NXPH2: variants seen among roughly 807,000 people sequenced by gnomAD.
NXPH2 encodes the protein neurexophilin 2, also known as neurexophilin-2.
A neutral mutation model predicts 19.8 loss-of-function variants in NXPH2; 5 were observed. The ratio of observed to expected loss-of-function variants is 0.25; its 90% confidence interval spans 0.13 to 0.53. The LOEUF (loss-of-function observed/expected upper bound fraction) is 0.53, where lower values mean the gene tolerates loss of function less well. Among genes scored for constraint, NXPH2 ranks in the 20% least tolerant of loss-of-function variants. The pLI is 0.96. For missense variants in NXPH2, 289 were observed against 322.8 expected (o/e 0.90, Z 0.80); for synonymous variants, 154 against 127.4 (o/e 1.21, Z -1.41).
intron 1 of NXPH2, among the ~76,000 whole-genome samples, chr2:138,714,629 T>TA (rs151136285): frequency 0.014 from 2,107 of 151,638 alleles, 43 homozygotes; most frequent in African/African-American, 0.048. Flanking sequence ...ACTGGTCTGA[T>TA]AAAAAAAAAT....
intron 1 of NXPH2, among the ~76,000 whole-genome samples, chr2:138,679,581 C>T (rs549355161): frequency 1.3e-5 from 2 of 152,086 alleles, no homozygotes; most frequent in Admixed American, 6.5e-5. Context: ...TGTATTTTTA[C>T]TAGAGACGAG....
At chr2:138,760,028 C>A (rs545595428) in intron 1 of NXPH2, among the ~76,000 whole-genome samples, 1 of 152,056 alleles carries the variant, frequency 6.6e-6, no homozygotes, top group African/African-American at 2.4e-5. Flanking sequence ...AGAGCCCGGC[C>A]GCCACCCTTT....
rs562589199 is a variant in NXPH2 at position 138,747,302 on chromosome 2, G to T, written c.51+32889C>A. Among the ~76,000 whole-genome samples, 20 of 152,270 alleles carry T rather than the reference G, an allele frequency of 1.3e-4. No individual in the cohort carries two copies. In the South Asian group the frequency reaches 4.1e-3, roughly 32 times the overall value. Reference sequence around the variant, plus strand: ...CTTGCTGGATGTCAGGTGTTCTGGGGCTGGTAGTTGTTGGGCGCATTGCTT... The same window carrying T: ...CTTGCTGGATGTCAGGTGTTCTGGGTCTGGTAGTTGTTGGGCGCATTGCTT... On this transcript the variant is annotated intron_variant, in intron 1 of 1. Transcript: ENST00000272641.
chr2:138,697,120 A>T (rs1414013527), intron 1 of NXPH2, among the ~76,000 whole-genome samples: 2 of 152,166 alleles, frequency 1.3e-5, no homozygotes, highest in Non-Finnish European at 1.5e-5. Context: ...AAACTCTAGA[A>T]TAGGCAAAAC....
At chr2:138,764,003 T>C (rs1447398199) in intron 1 of NXPH2, among the ~76,000 whole-genome samples, 3 of 152,202 alleles carry the variant, frequency 2.0e-5, no homozygotes, top group African/African-American at 7.2e-5. Context: ...CCACATTCTT[T>C]GTGTTCATAG....
At chr2:138,699,599 A>G (rs1230864549) in intron 1 of NXPH2, among the ~76,000 whole-genome samples, 1 of 151,984 alleles carries the variant, frequency 6.6e-6, no homozygotes, top group Non-Finnish European at 1.5e-5. Flanking sequence ...TAAAGAAGCA[A>G]GTAGGTTAAT....
intron 1 of NXPH2, among the ~76,000 whole-genome samples, chr2:138,760,031 C>A (rs934330867): frequency 1.3e-5 from 2 of 152,134 alleles, no homozygotes; most frequent in African/African-American, 4.8e-5. Flanking sequence ...GCCCGGCCGC[C>A]ACCCTTTTTC....
intron 1 of NXPH2, among the ~76,000 whole-genome samples, chr2:138,759,450 T>G (rs1031832472): frequency 6.6e-6 from 1 of 152,022 alleles, no homozygotes; most frequent in African/African-American, 2.4e-5. Context: ...CTCCCTCATG[T>G]TCACAGGATG....
intron 1 of NXPH2, among the ~76,000 whole-genome samples, chr2:138,767,457 T>C (rs888465684): frequency 6.6e-6 from 1 of 152,260 alleles, no homozygotes; most frequent in African/African-American, 2.4e-5. Context: ...AAATACCATT[T>C]TTTTTATTTT....
chr2:138,718,594 G>C (rs1412070157), intron 1 of NXPH2, among the ~76,000 whole-genome samples: 1 of 152,132 alleles, frequency 6.6e-6, no homozygotes, highest in Non-Finnish European at 1.5e-5. Flanking sequence ...GAGTCAGAAA[G>C]GTAGCAGCTG....
chr2:138,715,103 A>G (rs1220700564), intron 1 of NXPH2, among the ~76,000 whole-genome samples: 1 of 152,208 alleles, frequency 6.6e-6, no homozygotes, highest in Middle Eastern at 3.2e-3. Flanking sequence ...AGCATGCTAA[A>G]AAGAATTCTA....
intron 1 of NXPH2, among the ~76,000 whole-genome samples, chr2:138,721,137 C>T (rs574214869): frequency 1.7e-4 from 26 of 152,132 alleles, no homozygotes; most frequent in African/African-American, 6.0e-4. Context: ...GTCAGGAGTT[C>T]GAGACCATCC....
At chr2:138,720,332 C>T (rs1036222196) in intron 1 of NXPH2, among the ~76,000 whole-genome samples, 1 of 152,122 alleles carries the variant, frequency 6.6e-6, no homozygotes, top group African/African-American at 2.4e-5. Flanking sequence ...TCTCACAGGC[C>T]ATGACGAAAC....
chr2:138,683,735 A>G (rs1046991999), intron 1 of NXPH2, among the ~76,000 whole-genome samples: 2 of 152,228 alleles, frequency 1.3e-5, no homozygotes, highest in African/African-American at 4.8e-5. Context: ...ATCTACAATC[A>G]GTCCACTTTT....
Position 138,682,445 on chromosome 2 carries a change from CA to C in NXPH2, c.52-10781del, listed in dbSNP as rs888675391. ...TCACAGTAGATTAAAAGAAGAATGA[CA>C]AAAAAAGAATGAAAAATGATAGAAT... On this transcript the variant is annotated intron_variant, in intron 1 of 1. Transcript: ENST00000272641. 7.9e-5 allele frequency among the ~76,000 whole-genome samples: 12 copies of C among 151,718 alleles called. No individual in the cohort carries two copies. In the East Asian group the frequency reaches 1.9e-3, roughly 25 times the overall value.
Position 138,698,772 on chromosome 2 carries a change from T to C in NXPH2, c.52-27107A>G, listed in dbSNP as rs536055226. Among the ~76,000 whole-genome samples, 8 of 152,268 alleles carry C rather than the reference T, an allele frequency of 5.3e-5. No homozygotes were observed. The East Asian group carries it at 1.3e-3, about 26-fold the overall frequency. ...GGGAGATGGAGGCAGGAGGATTGCC[T>C]GAGCCCAGGAATTAGAGGGGGCAGT... On this transcript the variant is annotated intron_variant, in intron 1 of 1. Coordinates refer to ENST00000272641, the MANE Select transcript of NXPH2 (RefSeq NM_007226.3).
At chr2:138,774,262 A>G (rs1365607250) in intron 1 of NXPH2, among the ~76,000 whole-genome samples, 1 of 152,216 alleles carries the variant, frequency 6.6e-6, no homozygotes, top group Non-Finnish European at 1.5e-5. Flanking sequence ...ATTTTAATTT[A>G]ACTTTTTATT....
chr2:138,707,787 T>C (rs1681040550), intron 1 of NXPH2, among the ~76,000 whole-genome samples: 1 of 152,202 alleles, frequency 6.6e-6, no homozygotes, highest in Non-Finnish European at 1.5e-5. Flanking sequence ...AAATTATCCC[T>C]TGTAACTTTC....
At chr2:138,746,246 T>C (rs2105009133) in intron 1 of NXPH2, among the ~76,000 whole-genome samples, 1 of 152,336 alleles carries the variant, frequency 6.6e-6, no homozygotes, top group South Asian at 2.1e-4. Flanking sequence ...TCTTCACAGC[T>C]CCCATCAATC....
Sources: allele counts gnomAD v4.1 joint callset (sites outside exome capture counted in the v4.1 genomes callset), GRCh38; gene constraint gnomAD v4.1.1; transcripts MANE v1.5; gene names NCBI Gene and HGNC (gene_info 2026-07-23, HGNC 2026-07-21).